Variants in DHX36 observed in about 807,000 individuals in gnomAD.
The protein encoded by DHX36 is ATP-dependent DNA/RNA helicase DHX36.
DHX36 carries 50 observed loss-of-function variants against 139.0 expected under a neutral mutation model. The ratio of observed to expected loss-of-function variants is 0.36; its 90% confidence interval spans 0.29 to 0.46. The LOEUF (loss-of-function observed/expected upper bound fraction) is 0.46. DHX36 is among the 20% of genes least tolerant of loss of function. The pLI is 1.00. For synonymous variants in DHX36, 425 were observed against 401.9 expected, an observed-to-expected ratio of 1.06 and a Z score of -0.69; for missense variants, 1,024 against 1,211.3, an observed-to-expected ratio of 0.85 and a Z score of 2.29.
chr3:154,290,159 G>A (rs980065554), intron 15 of DHX36, among the ~76,000 whole-genome samples: 1 of 152,084 alleles, frequency 6.6e-6, no homozygotes, highest in Non-Finnish European at 1.5e-5. Flanking sequence ...GAATAGTAAC[G>A]TCAAGTATGC....
chr3:154,322,293 G>C (rs532549930), intron 1 of DHX36, among the ~76,000 whole-genome samples: 2 of 152,312 alleles, frequency 1.3e-5, no homozygotes, highest in East Asian at 3.9e-4. Flanking sequence ...GACTGAGACA[G>C]AAGTGACATG....
At chr3:154,296,301 C>A (rs1033283164) in intron 12 of DHX36, among the ~76,000 whole-genome samples, 1 of 151,974 alleles carries the variant, frequency 6.6e-6, no homozygotes, top group Non-Finnish European at 1.5e-5. Flanking sequence ...GGTGAAACCC[C>A]GTCTATACTA....
At chr3:154,310,830 T>TAC (rs1559957777) in intron 4 of DHX36, among the ~76,000 whole-genome samples, 25 of 34,882 alleles carry the variant, frequency 7.2e-4, no homozygotes, top group African/African-American at 3.5e-3. Flanking sequence ...TATATATATA[T>TAC]ATATATATAT....
intron 1 of DHX36, among the ~76,000 whole-genome samples, chr3:154,322,478 C>T (rs954397820): frequency 1.3e-5 from 2 of 152,160 alleles, no homozygotes; most frequent in Admixed American, 6.5e-5. Context: ...GGTAACTATT[C>T]TGGAGGTAAG....
chr3:154,304,882 A>T lies in DHX36; in HGVS notation c.1059T>A (p.Leu353=). 6.2e-7 allele frequency: 1 copy of T among 1,610,568 alleles called. No individual in the cohort carries two copies. The highest frequency in any genetic ancestry group is 8.5e-7 in the Non-Finnish European group (1 of 1,179,064). ...SDVLMTVVKD[L]LNFRSDLKVI... ...CTTTCAAGTCAGATCGAAAATTGAG[A>T]AGGTCTTTAACAACAGTCATTAAAA... The change falls in exon 8 of 25, where the codon CTT becomes CTA. Residue 353 remains leucine, a synonymous_variant. Transcript: ENST00000496811.
chr3:154,277,885 AT>A, intron 22 of DHX36, 167 bp from the exon 23 acceptor site: 1 of 524,738 alleles, frequency 1.9e-6, no homozygotes, highest in Non-Finnish European at 3.1e-6. Flanking sequence ...AAAAAAATAT[AT>A]TTATATTTGA....
At chr3:154,316,011 T>C (rs543341676) in intron 2 of DHX36, 28 bp downstream of exon 2, 2 of 1,603,422 alleles carry the variant, frequency 1.2e-6, no homozygotes, top group South Asian at 1.1e-5. Context: ...TCTTTGCCTA[T>C]TCTTTAAAAA....
chr3:154,289,571 C>A, intron 16 of DHX36, 138 bp downstream of exon 16: 3 of 629,390 alleles, frequency 4.8e-6, no homozygotes, highest in Non-Finnish European at 8.5e-6. Context: ...TTTAAACACA[C>A]AATTTACTAA....
chr3:154,302,080 A>G (rs991249196), intron 9 of DHX36, among the ~76,000 whole-genome samples: 5 of 152,184 alleles, frequency 3.3e-5, no homozygotes, highest in Admixed American at 6.5e-5. Flanking sequence ...GTAAAAAAAA[A>G]AAAAAAAGTG....
In DHX36 at chr3:154,276,123, T is replaced by C. The variant is rs1440496266; in HGVS notation, c.*48A>G. On this transcript the variant is annotated 3_prime_UTR_variant, in exon 25 of 25. Transcript: ENST00000496811. ...CATCCAGCCAAAATTTAAACAATGA[T>C]GAAGAATGGCTGTCAAACTGGCTTT... The C allele has an allele frequency of 6.4e-7, 1 of 1,568,234 alleles. No homozygotes were observed. Among genetic ancestry groups the C allele is most frequent in the Non-Finnish European group, 8.6e-7 (1 of 1,158,240 alleles).
At chr3:154,323,621 C>T (rs981247636) in intron 1 of DHX36, among the ~76,000 whole-genome samples, 5 of 152,034 alleles carry the variant, frequency 3.3e-5, no homozygotes, top group African/African-American at 1.2e-4. Flanking sequence ...ATCTGCTCAT[C>T]AATAGAAATT....
chr3:154,288,288 T>C (rs1239591062), intron 17 of DHX36, among the ~76,000 whole-genome samples: 1 of 151,818 alleles, frequency 6.6e-6, no homozygotes, highest in Non-Finnish European at 1.5e-5. Context: ...ACATTCTGTA[T>C]GGGTTCATGT....
At chr3:154,282,789 T>C (rs996360755) in intron 20 of DHX36, among the ~76,000 whole-genome samples, 1 of 152,218 alleles carries the variant, frequency 6.6e-6, no homozygotes. Flanking sequence ...ATGCCCTCTT[T>C]ACTGTTTTCT....
Position 154,316,110 on chromosome 3 carries a change from C to T in DHX36, c.297G>A (p.Leu99=), listed in dbSNP as rs1337583780. The T allele has an allele frequency of 1.9e-6, 3 of 1,613,302 alleles. No homozygotes were observed. Among genetic ancestry groups the T allele is most frequent in the Admixed American group, 1.7e-5 (1 of 59,928 alleles). The stretch of plus-strand genomic sequence containing the variant: ...TATCATTCTTCGCTTGAACAGAATT[C>T]AGTAACTGTACAATTTGTTCTTCTC... The part of the protein sequence containing the change: ...ERREEQIVQL[L]NSVQAKNDKE... The change falls in exon 2 of 25, where the codon CTG becomes CTA. Residue 99 remains leucine (L), a synonymous_variant. Coordinates refer to ENST00000496811, the MANE Select transcript of DHX36 (RefSeq NM_020865.3).
intron 22 of DHX36, 64 bp downstream of exon 22, chr3:154,280,515 T>C: frequency 8.7e-7 from 1 of 1,146,508 alleles, no homozygotes; most frequent in South Asian, 1.3e-5. Context: ...CCTTGTTACA[T>C]GAGCAGATTT....
chr3:154,313,813 G>T (rs1014232477), intron 3 of DHX36, among the ~76,000 whole-genome samples: 3 of 152,124 alleles, frequency 2.0e-5, no homozygotes, highest in Non-Finnish European at 4.4e-5. Context: ...AAGCTGAGTT[G>T]TTAAACACAG....
At chr3:154,291,320 C>T (rs906959000) in intron 15 of DHX36, among the ~76,000 whole-genome samples, 2 of 152,006 alleles carry the variant, frequency 1.3e-5, no homozygotes, top group Non-Finnish European at 2.9e-5. Context: ...GGAGTGAGGA[C>T]GAAGGATTAG....
At chr3:154,311,774 G>A (rs552146300) in intron 3 of DHX36, 100 bp from the exon 4 acceptor site, 113 of 844,688 alleles carry the variant, frequency 1.3e-4, no homozygotes, top group Non-Finnish European at 1.3e-4. Context: ...GCTAGAATCC[G>A]AAAGTATTTT....
chr3:154,296,202 C>T (rs1232959064), intron 12 of DHX36, among the ~76,000 whole-genome samples: 1 of 152,120 alleles, frequency 6.6e-6, no homozygotes, highest in African/African-American at 2.4e-5. Flanking sequence ...AGGCCAGGCG[C>T]GGTGGCTCAT....
Sources: gnomAD v4.1 joint callset for allele counts (sites outside exome capture counted in the v4.1 genomes callset) on GRCh38, gnomAD v4.1.1 for gene constraint, MANE v1.5 for transcripts, NCBI Gene and HGNC (gene_info 2026-07-23, HGNC 2026-07-21) for gene names.